KYNU: variants seen among roughly 807,000 people sequenced by gnomAD.
KYNU encodes the protein L-kynurenine hydrolase.
In KYNU, 54 loss-of-function variants were observed where a neutral mutation model predicts 59.2. The ratio of observed to expected loss-of-function variants is 0.91; its 90% CI spans 0.73 to 1.14. KYNU has a LOEUF of 1.14. Ranked by LOEUF, KYNU falls within the 50% of genes most tolerant of loss-of-function variation. KYNU has a pLI of 0.00. For synonymous variants in KYNU, 177 were observed against 192.0 expected (o/e 0.92, Z 0.65); for missense variants, 567 against 554.4 (o/e 1.02, Z -0.23).
At chr2:143,015,861 A>C (rs1686231872) in intron 10 of KYNU, among the ~76,000 whole-genome samples, 2 of 152,224 alleles carry the variant, frequency 1.3e-5, no homozygotes, top group Non-Finnish European at 2.9e-5. Flanking sequence ...ACAGAACGTC[A>C]GTTTCAACAG....
chr2:143,005,269 G>A (rs1264960309), intron 10 of KYNU, among the ~76,000 whole-genome samples: 2 of 152,146 alleles, frequency 1.3e-5, no homozygotes, highest in Non-Finnish European at 2.9e-5. Flanking sequence ...GGTAGAAAGC[G>A]AAAATGACCT....
rs145548706 is a variant in KYNU at position 142,950,644 on chromosome 2, G to C, written c.374-4166G>C. On this transcript the variant is annotated intron_variant, in intron 4 of 13. Coordinates refer to ENST00000264170, the MANE Select transcript of KYNU (RefSeq NM_003937.3). The stretch of plus-strand genomic sequence containing the variant: ...CCTCCCACAATACATGGGAATTCAA[G>C]ATGAGATTTGAGTGGGGACACAGCC... 1.2e-4 allele frequency among the ~76,000 whole-genome samples: 19 copies of C among 152,324 alleles called. No homozygotes were observed. The East Asian group carries it at 3.7e-3, about 29-fold the overall frequency.
At chr2:142,910,420 T>C (rs775397269) in intron 2 of KYNU, among the ~76,000 whole-genome samples, 5 of 151,966 alleles carry the variant, frequency 3.3e-5, no homozygotes, top group Non-Finnish European at 7.4e-5. Context: ...TTTAATGGGG[T>C]TATTTGTTTC....
intron 2 of KYNU, among the ~76,000 whole-genome samples, chr2:142,914,596 A>G (rs1241990929): frequency 2.0e-5 from 3 of 152,212 alleles, no homozygotes; most frequent in Non-Finnish European, 2.9e-5. Flanking sequence ...CATTTTTCCA[A>G]GAACATGTGC....
rs532756339 is a variant in KYNU at position 143,050,655 on chromosome 2, T to C, written c.*8483T>C. On this transcript the variant is annotated 3_prime_UTR_variant, in exon 14 of 14. Coordinates refer to ENST00000264170, the MANE Select transcript of KYNU (RefSeq NM_003937.3). Reference sequence around the variant, plus strand: ...ATTTATTTCATGTTGCTTTAACTTATTAAAAAACAGACTGAAGAAAGACTG... The same window carrying C: ...ATTTATTTCATGTTGCTTTAACTTACTAAAAAACAGACTGAAGAAAGACTG... 6.6e-6 allele frequency: 1 copy of C among 152,332 alleles called. No homozygotes were observed. The highest frequency in any genetic ancestry group is 2.4e-5 in the African/African-American group (1 of 41,584). The allele number at this position is 152,332 out of a possible 1,614,324, so 9.4% of individuals were successfully genotyped here.
intron 8 of KYNU, among the ~76,000 whole-genome samples, chr2:142,972,157 A>AT (rs1331789666): frequency 3.3e-5 from 5 of 152,022 alleles, no homozygotes; most frequent in Admixed American, 6.6e-5. Flanking sequence ...AAAGACAATT[A>AT]TTTTTTTCTG....
At chr2:142,902,585 T>C (rs1334840778) in intron 2 of KYNU, among the ~76,000 whole-genome samples, 3 of 152,236 alleles carry the variant, frequency 2.0e-5, no homozygotes, top group African/African-American at 7.2e-5. Context: ...CATTTCTTAC[T>C]GAGGGCCCTG....
rs1687233607 is a variant in KYNU, at chr2:143,049,790, G to T, written c.*7618G>T. On this transcript the variant is annotated 3_prime_UTR_variant, in exon 14 of 14. Transcript: ENST00000264170. The stretch of plus-strand genomic sequence containing the variant: ...TGAATGTACAGTTGTTTCTGTTGGA[G>T]TTCACATATGATGCCTTGTTTCCTT... 1 of 152,104 alleles carries T rather than the reference G, an allele frequency of 6.6e-6. No homozygotes were observed. The highest frequency in any genetic ancestry group is 2.4e-5 in the African/African-American group (1 of 41,428). The allele number at this position is 152,104 out of a possible 1,614,324, so 9.4% of individuals were successfully genotyped here.
chr2:142,918,556 T>C lies in KYNU; in HGVS notation c.170-53T>C, dbSNP rs767467567. ...TATTTGTACTGGCTTAACAATACCA[T>C]ACTGAAAAAGCTTTTATTTTTTTTT... On this transcript the variant is annotated intron_variant, in intron 2 of 13. Transcript: ENST00000264170. 2.3e-4 allele frequency: 332 copies of C among 1,471,560 alleles called. 2 individuals are homozygous for C. The highest frequency in any genetic ancestry group is 1.7e-3 in the Middle Eastern group (7 of 4,060). The allele number at this position is 1,471,560 out of a possible 1,614,324, so 91.2% of individuals were successfully genotyped here.
chr2:143,029,558 C>T, intron 10 of KYNU, 69 bp from the exon 11 acceptor site: 3 of 957,982 alleles, frequency 3.1e-6, no homozygotes, highest in Non-Finnish European at 5.1e-6. Context: ...TGCACTCCAG[C>T]CTAGGCAGCA....
chr2:142,898,323 C>T (rs1681953674), intron 2 of KYNU, among the ~76,000 whole-genome samples: 1 of 151,828 alleles, frequency 6.6e-6, no homozygotes, highest in African/African-American at 2.4e-5. Context: ...TGCAGCCAAT[C>T]CCAGGACTTT....
At chr2:143,032,660 A>G (rs1370063530) in intron 11 of KYNU, among the ~76,000 whole-genome samples, 1 of 142,350 alleles carries the variant, frequency 7.0e-6, no homozygotes, top group African/African-American at 2.6e-5. Flanking sequence ...TCTGTTATTA[A>G]TTTACCTTTT....
chr2:142,947,190 A>G (rs1000402575), intron 4 of KYNU: 2 of 1,550,780 alleles, frequency 1.3e-6, no homozygotes, highest in African/African-American at 2.7e-5. Context: ...TAACGCAGAC[A>G]CCTCTGAGGT....
chr2:143,003,291 G>T (rs990921470), intron 10 of KYNU, among the ~76,000 whole-genome samples: 5 of 151,526 alleles, frequency 3.3e-5, no homozygotes, highest in South Asian at 4.2e-4. Flanking sequence ...CAGCTGGGGG[G>T]GGTGGCTCAC....
chr2:142,947,052 C>T (rs1683811921), intron 4 of KYNU: 4 of 1,550,320 alleles, frequency 2.6e-6, no homozygotes, highest in Non-Finnish European at 3.5e-6. Flanking sequence ...CTCACCCTTC[C>T]CCAAGCAACT....
intron 10 of KYNU, among the ~76,000 whole-genome samples, chr2:143,015,176 A>G (rs1384943363): frequency 6.6e-6 from 1 of 152,160 alleles, no homozygotes; most frequent in Non-Finnish European, 1.5e-5. Context: ...TTCTAATCAG[A>G]TTTAGTGCTT....
chr2:142,953,110 G>T (rs1462406786), intron 4 of KYNU, among the ~76,000 whole-genome samples: 1 of 152,136 alleles, frequency 6.6e-6, no homozygotes, highest in Non-Finnish European at 1.5e-5. Context: ...AAAGGCCCAA[G>T]TAAGAGACTG....
At position 142,960,656 on chromosome 2, in the gene KYNU, T is replaced by C. The variant is rs1268388020; in HGVS notation, c.615T>C (p.Leu205=). The change falls in exon 8 of 14, where the codon CTT becomes CTC. Residue 205 remains leucine (L), a synonymous_variant. Transcript: ENST00000264170. ...AAACCTTAAGAATAGAGGATATCCT[T>C]GAAGTAATTGAGAAGGAAGGAGACT... ...GEETLRIEDI[L]EVIEKEGDSI... is the part of the protein sequence containing the mutation. The C allele has an allele frequency of 6.2e-7, 1 of 1,613,660 alleles. No homozygotes were observed. Among genetic ancestry groups the C allele is most frequent in the Non-Finnish European group, 8.5e-7 (1 of 1,179,788 alleles).
intron 8 of KYNU, among the ~76,000 whole-genome samples, chr2:142,978,102 AC>A (rs555020762): frequency 1.3e-4 from 20 of 152,236 alleles, no homozygotes; most frequent in African/African-American, 4.6e-4. Context: ...TTTCTCTAGT[AC>A]TATTCAAAAA....
Sources: allele counts gnomAD v4.1 joint callset (sites outside exome capture counted in the v4.1 genomes callset), GRCh38; gene constraint gnomAD v4.1.1; transcripts MANE v1.5; gene names NCBI Gene and HGNC (gene_info 2026-07-23, HGNC 2026-07-21).